IL18R1: variants seen among roughly 807,000 people sequenced by gnomAD.
IL18R1 encodes the protein interleukin 18 receptor 1, also known as interleukin-18 receptor 1.
In IL18R1, 40 loss-of-function variants were observed where a neutral mutation model predicts 48.5. That is an observed-to-expected ratio of 0.82 (90% CI 0.64 to 1.07). The LOEUF (loss-of-function observed/expected upper bound fraction) is 1.07, where lower values mean the gene tolerates loss of function less well. Among genes scored for constraint, IL18R1 ranks in the 50% least tolerant of loss-of-function variants. The probability of loss-of-function intolerance (pLI) is 0.00; values close to 1 mark genes in which losing one functional copy is unlikely to be tolerated. For synonymous variants in IL18R1, 232 were observed against 225.9 expected, an observed-to-expected ratio of 1.03 and a Z score of -0.24; for missense variants, 596 against 633.7, an observed-to-expected ratio of 0.94 and a Z score of 0.64.
chr2:102,391,995 C>A (rs1680586950), intron 9 of IL18R1, among the ~76,000 whole-genome samples: 1 of 152,104 alleles, frequency 6.6e-6, no homozygotes, highest in Admixed American at 6.6e-5. Context: ...TATTCCCAGG[C>A]TGTAATTTGT....
intron 5 of IL18R1, among the ~76,000 whole-genome samples, chr2:102,376,346 G>T (rs7558013): frequency 0.2 from 30,785 of 152,072 alleles, 3,366 homozygotes; most frequent in African/African-American, 0.22. Context: ...TTTTGTTGTT[G>T]AATTTACATT....
At chr2:102,383,398 C>T (rs918257701) in intron 6 of IL18R1, among the ~76,000 whole-genome samples, 12 of 152,170 alleles carry the variant, frequency 7.9e-5, no homozygotes, top group African/African-American at 2.9e-4. Context: ...ATATCTCCAG[C>T]TATTATGGTC....
chr2:102,367,894 G>C lies in IL18R1; in HGVS notation c.128G>C (p.Cys43Ser). The C allele has an allele frequency of 6.2e-7, 1 of 1,614,136 alleles. No homozygotes were observed. The highest frequency in any genetic ancestry group is 8.5e-7 in the Non-Finnish European group (1 of 1,179,980). ...GEPFYLKHCSCSLAHEIETTT... is the reference protein window; with the variant it reads ...GEPFYLKHCSSSLAHEIETTT... Reference sequence around the variant, plus strand: ...CCTTTCTATCTGAAACATTGCTCGTGTTCACTTGCACATGAGATTGAAACA... The same window carrying C: ...CCTTTCTATCTGAAACATTGCTCGTCTTCACTTGCACATGAGATTGAAACA... The change falls in exon 3 of 11, where the codon TGT becomes TCT. Residue 43 changes from cysteine (C) to serine (S), a missense_variant. Physicochemically the swap from Cys to Ser is moderately radical, Grantham distance 112. This residue lies in a region of IL18R1 where 360 missense variants were observed against 339.4 expected (regional missense o/e 1.06). Coordinates refer to ENST00000233957, the MANE Select transcript of IL18R1 (RefSeq NM_003855.5).
At chr2:102,396,498 C>G in intron 10 of IL18R1, 33 bp from the exon 11 acceptor site, 1 of 1,305,460 alleles carries the variant, frequency 7.7e-7, no homozygotes, top group Non-Finnish European at 1.1e-6. Flanking sequence ...TTTCAGTTAT[C>G]TTAAATTAAT....
chr2:102,390,050 T>C lies in IL18R1; in HGVS notation c.950-6T>C. On this transcript the variant is annotated splice_polypyrimidine_tract_variant and splice_region_variant and intron_variant, in intron 8 of 10. Coordinates refer to ENST00000233957, the MANE Select transcript of IL18R1 (RefSeq NM_003855.5). Reference sequence around the variant, plus strand: ...TTTTCTTTTCCTTTTTCCCTTTCTTTTCTAGCAGACATGGCTGATATCCCA... The same window carrying C: ...TTTTCTTTTCCTTTTTCCCTTTCTTCTCTAGCAGACATGGCTGATATCCCA... The C allele has an allele frequency of 6.2e-7, 1 of 1,613,650 alleles. No individual in the cohort carries two copies. Among genetic ancestry groups the C allele is most frequent in the Non-Finnish European group, 8.5e-7 (1 of 1,179,740 alleles).
At chr2:102,362,526 G>C in intron 1 of IL18R1, 107 bp from the exon 2 acceptor site, 2 of 616,568 alleles carry the variant, frequency 3.2e-6, no homozygotes, top group Non-Finnish European at 5.6e-6. Context: ...AAATCTTCTA[G>C]GTTGTTTTTT....
At chr2:102,393,915 T>C (rs1270048221) in intron 9 of IL18R1, among the ~76,000 whole-genome samples, 1 of 152,260 alleles carries the variant, frequency 6.6e-6, no homozygotes, top group Admixed American at 6.5e-5. Context: ...TTTCTTCTGC[T>C]AATGTGTTGT....
intron 2 of IL18R1, among the ~76,000 whole-genome samples, chr2:102,364,733 G>A (rs1477351294): frequency 1.3e-5 from 2 of 152,158 alleles, no homozygotes; most frequent in Non-Finnish European, 2.9e-5. Flanking sequence ...AATTTATAAA[G>A]GAAAGAGACT....
intron 5 of IL18R1, among the ~76,000 whole-genome samples, chr2:102,378,870 A>G (rs1160874298): frequency 6.6e-6 from 1 of 152,188 alleles, no homozygotes. Flanking sequence ...GAGTCTACAG[A>G]AATTAGAGCT....
At chr2:102,366,562 G>A (rs1285979087) in intron 2 of IL18R1, among the ~76,000 whole-genome samples, 2 of 152,096 alleles carry the variant, frequency 1.3e-5, no homozygotes, top group African/African-American at 4.8e-5. Flanking sequence ...CACATTTTGT[G>A]TATCTTTACA....
At chr2:102,396,483 C>T (rs548821276) in intron 10 of IL18R1, 48 bp from the exon 11 acceptor site, 65 of 1,108,272 alleles carry the variant, frequency 5.9e-5, no homozygotes, top group African/African-American at 1.1e-4. Flanking sequence ...ATCTCATGTT[C>T]CCCCTTTCAG....
chr2:102,360,320 G>A (rs1008760588), intron 1 of IL18R1, among the ~76,000 whole-genome samples: 5 of 152,182 alleles, frequency 3.3e-5, no homozygotes, highest in Non-Finnish European at 7.3e-5. Flanking sequence ...CTGGAGTGCA[G>A]TGATGAGATC....
At chr2:102,379,502 C>T (rs954714709) in intron 5 of IL18R1, among the ~76,000 whole-genome samples, 16 of 151,616 alleles carry the variant, frequency 1.1e-4, no homozygotes, top group African/African-American at 3.2e-4. Context: ...CAGGGAAACC[C>T]GTTTTTTTCT....
intron 3 of IL18R1, 59 bp downstream of exon 3, chr2:102,368,127 ACT>A: frequency 1.3e-6 from 2 of 1,583,958 alleles, no homozygotes; most frequent in Non-Finnish European, 1.7e-6. Flanking sequence ...TTGTTCAGCA[ACT>A]CAAATATGCA....
At chr2:102,391,277 T>C (rs57959983) in intron 9 of IL18R1, among the ~76,000 whole-genome samples, 116 of 152,188 alleles carry the variant, frequency 7.6e-4, no homozygotes, top group African/African-American at 2.5e-3. Flanking sequence ...CCACCCCTCA[T>C]TGATAGCACA....
chr2:102,371,515 A>G (rs1180014658), intron 3 of IL18R1, among the ~76,000 whole-genome samples: 1 of 152,052 alleles, frequency 6.6e-6, no homozygotes, highest in East Asian at 1.9e-4. Flanking sequence ...AACAAAACCT[A>G]ATATATATAT....
rs1678234474 is a variant in IL18R1 at position 102,356,175 on chromosome 2, T to C, written c.-254T>C. 1 of 215,478 alleles carries C rather than the reference T, an allele frequency of 4.6e-6. No individual in the cohort carries two copies. Among genetic ancestry groups the C allele is most frequent in the Non-Finnish European group, 7.9e-6 (1 of 126,906 alleles). 13.3% of individuals were successfully genotyped at this position (215,478 alleles called of 1,614,324 possible). A position where few individuals can be genotyped will look rare whatever the true frequency, so the allele number is the denominator to read the frequency against. On this transcript the variant is annotated 5_prime_UTR_variant, in exon 1 of 11. Transcript: ENST00000233957. Reference sequence around the variant, plus strand: ...GGAGCTGCCAGACGCCTGACATTCTTCTTTCTGTTCCTACTTTTTTTCCTT... The same window carrying C: ...GGAGCTGCCAGACGCCTGACATTCTCCTTTCTGTTCCTACTTTTTTTCCTT...
At chr2:102,381,416 C>T (rs950697986) in intron 5 of IL18R1, among the ~76,000 whole-genome samples, 1 of 152,158 alleles carries the variant, frequency 6.6e-6, no homozygotes, top group African/African-American at 2.4e-5. Context: ...TGAGCAGAAG[C>T]TGCAGATCTG....
intron 1 of IL18R1, among the ~76,000 whole-genome samples, chr2:102,357,263 G>C (rs1678303502): frequency 6.6e-6 from 1 of 152,070 alleles, no homozygotes; most frequent in Non-Finnish European, 1.5e-5. Context: ...AGGCTGAGGT[G>C]GGCGGATCAT....
Sources: gnomAD v4.1 joint callset for allele counts (sites outside exome capture counted in the v4.1 genomes callset) on GRCh38, gnomAD v4.1.1 for gene constraint, gnomAD v4.1.1 regional missense constraint, MANE v1.5 for transcripts, NCBI Gene and HGNC (gene_info 2026-07-23, HGNC 2026-07-21) for gene names.